TRAPPC13: variants seen among roughly 807,000 people sequenced by gnomAD.
TRAPPC13 encodes the protein trafficking protein particle complex subunit 13, also known as REV7-interacting novel NHEJ regulator 1.
TRAPPC13 carries 39 observed loss-of-function variants against 54.0 expected under a neutral mutation model. The observed-to-expected ratio is 0.72, with a 90% CI of 0.56 to 0.94. TRAPPC13 has a LOEUF of 0.94. TRAPPC13 is among the 40% of genes least tolerant of loss of function. The pLI, the probability that TRAPPC13 is intolerant of heterozygous loss-of-function variation, is 0.00. For synonymous variants in TRAPPC13, 148 were observed against 167.7 expected, an observed-to-expected ratio of 0.88 and a Z score of 0.91; for missense variants, 386 against 488.1, an observed-to-expected ratio of 0.79 and a Z score of 1.97.
At chr5:65,659,393 A>G (rs1252766708) in intron 9 of TRAPPC13, among the ~76,000 whole-genome samples, 1 of 152,198 alleles carries the variant, frequency 6.6e-6, no homozygotes, top group Non-Finnish European at 1.5e-5. Context: ...TTTTAATTTC[A>G]TGTTTTACTA....
At chr5:65,652,715 T>C (rs1291946709) in intron 7 of TRAPPC13, 170 bp downstream of exon 7, 4 of 676,122 alleles carry the variant, frequency 5.9e-6, no homozygotes, top group East Asian at 2.8e-5. Flanking sequence ...ATAGGTCTCA[T>C]AATCTTTTTC....
chr5:65,658,320 A>C, intron 8 of TRAPPC13, 48 bp from the exon 9 acceptor site: 1 of 1,527,934 alleles, frequency 6.5e-7, no homozygotes, highest in Non-Finnish European at 8.8e-7. Context: ...TGAGATAAAT[A>C]TTTTAAATGC....
rs563169448 is a variant in TRAPPC13 at position 65,647,100 on chromosome 5, A to G, written c.346A>G (p.Asn116Asp). Residue 116 changes from asparagine to aspartate, a missense_variant, in exon 5 of 13, where the codon AAT becomes GAT. Asn to Asp is a conservative substitution (Grantham distance 23). Coordinates refer to ENST00000399438, the MANE Select transcript of TRAPPC13 (RefSeq NM_024941.4). ...TCAGCGTTTAAATCTTTCAGCCTCC[A>G]ATGCTGCAGTGGCTGAACTTAAACC... The part of the protein sequence containing the change: ...SSQRLNLSAS[N>D]AAVAELKPDC... 2.6e-6 allele frequency: 4 copies of G among 1,560,356 alleles called. No homozygotes were observed. In the East Asian group the frequency reaches 9.4e-5, roughly 37 times the overall value.
chr5:65,655,770 C>T (rs1756629264), intron 8 of TRAPPC13, 117 bp downstream of exon 8: 1 of 315,300 alleles, frequency 3.2e-6, no homozygotes, highest in East Asian at 5.3e-5. Flanking sequence ...GTGAATACCA[C>T]CTATGTGACT....
intron 4 of TRAPPC13, among the ~76,000 whole-genome samples, chr5:65,641,717 A>C (rs983398307): frequency 4.6e-5 from 7 of 151,412 alleles, no homozygotes; most frequent in Non-Finnish European, 8.8e-5. Flanking sequence ...TCTGAGAAAA[A>C]AAAAAAAACA....
intron 8 of TRAPPC13, among the ~76,000 whole-genome samples, chr5:65,657,350 C>G (rs557009383): frequency 3.3e-5 from 5 of 152,310 alleles, no homozygotes; most frequent in Admixed American, 3.3e-4. Context: ...CCACCACACT[C>G]CAGCCTGGGT....
intron 4 of TRAPPC13, among the ~76,000 whole-genome samples, chr5:65,644,952 T>G (rs1436495131): frequency 6.7e-6 from 1 of 150,278 alleles, no homozygotes; most frequent in South Asian, 2.1e-4. Context: ...ATCTCAGCAC[T>G]TTGGGAGGCC....
chr5:65,650,069 A>T (rs1440040013), intron 5 of TRAPPC13, among the ~76,000 whole-genome samples: 3 of 151,032 alleles, frequency 2.0e-5, no homozygotes, highest in Non-Finnish European at 2.9e-5. Context: ...CGTGTTAGCC[A>T]GGATGGTCTC....
At chr5:65,636,144 C>CTTTTT in intron 3 of TRAPPC13, 101 bp downstream of exon 3, 3 of 507,104 alleles carry the variant, frequency 5.9e-6, no homozygotes, top group Non-Finnish European at 1.0e-5. Context: ...ATACATTTAC[C>CTTTTT]TTTTTTTTTT....
In TRAPPC13 at chr5:65,660,955, C is replaced by A. The variant is rs547624077; in HGVS notation, c.897+58C>A. The stretch of plus-strand genomic sequence containing the variant: ...GTGTGTGAAAGACAGGTAGTTAGAA[C>A]AACTTAATTTTTTCTACATCCAGCA... On this transcript the variant is annotated intron_variant, in intron 10 of 12. Coordinates refer to ENST00000399438, the MANE Select transcript of TRAPPC13 (RefSeq NM_024941.4). 4 of 1,420,818 alleles carry A rather than the reference C, an allele frequency of 2.8e-6. No individual in the cohort carries two copies. The South Asian group carries it at 5.7e-5, about 20-fold the overall frequency. 88.0% of individuals were successfully genotyped at this position (1,420,818 alleles called of 1,614,324 possible).
At chr5:65,636,780 A>T (rs1755765537) in intron 3 of TRAPPC13, among the ~76,000 whole-genome samples, 2 of 152,202 alleles carry the variant, frequency 1.3e-5, no homozygotes, top group Admixed American at 6.5e-5. Context: ...ATTAATAATA[A>T]GGTAGAAGCC....
At chr5:65,642,022 C>G (rs1755988207) in intron 4 of TRAPPC13, among the ~76,000 whole-genome samples, 1 of 151,990 alleles carries the variant, frequency 6.6e-6, no homozygotes, top group South Asian at 2.1e-4. Context: ...AAAGTAGGCT[C>G]TTAAAATTTT....
At chr5:65,643,674 G>A (rs188047407) in intron 4 of TRAPPC13, among the ~76,000 whole-genome samples, 14 of 151,822 alleles carry the variant, frequency 9.2e-5, no homozygotes, top group East Asian at 3.9e-4. Flanking sequence ...AAAATTAGCC[G>A]GGTGTGATGG....
At chr5:65,654,740 A>T (rs1271813550) in intron 7 of TRAPPC13, among the ~76,000 whole-genome samples, 1 of 152,248 alleles carries the variant, frequency 6.6e-6, no homozygotes, top group Non-Finnish European at 1.5e-5. Context: ...CACCTAAAGG[A>T]AAACAAGTTC....
At chr5:65,629,629 T>G in intron 1 of TRAPPC13, 1 of 1,535,730 alleles carries the variant, frequency 6.5e-7, no homozygotes, top group South Asian at 1.2e-5. Context: ...CATGTGAGAG[T>G]GATCCCACAC....
chr5:65,653,594 G>A (rs1756552404), intron 7 of TRAPPC13, among the ~76,000 whole-genome samples: 2 of 152,148 alleles, frequency 1.3e-5, no homozygotes, highest in African/African-American at 4.8e-5. Flanking sequence ...AGAGCTCTCG[G>A]GAATGTGATC....
At position 65,666,040 on chromosome 5, in the gene TRAPPC13, T is replaced by G. The variant is rs1362189793; in HGVS notation, c.*1429T>G. On this transcript the variant is annotated 3_prime_UTR_variant, in exon 13 of 13. Transcript: ENST00000399438. ...ATTGAGTAATAATTAATGAAATGTC[T>G]GTACAAAATAAAGTGCAAGCAGTGT... is the stretch of plus-strand genomic sequence containing the variant. 6.6e-6 allele frequency: 1 copy of G among 152,606 alleles called. No individual in the cohort carries two copies. The highest frequency in any genetic ancestry group is 2.4e-5 in the African/African-American group (1 of 41,472). 9.5% of individuals were successfully genotyped at this position (152,606 alleles called of 1,614,324 possible). A position where few individuals can be genotyped will look rare whatever the true frequency, so the allele number is the denominator to read the frequency against.
intron 1 of TRAPPC13, chr5:65,629,829 C>T: frequency 1.3e-6 from 2 of 1,536,048 alleles, no homozygotes; most frequent in Non-Finnish European, 1.7e-6. Context: ...GATGCTAAGT[C>T]ACACAGTTAT....
At chr5:65,631,753 T>C (rs1755551924) in intron 1 of TRAPPC13, among the ~76,000 whole-genome samples, 1 of 152,194 alleles carries the variant, frequency 6.6e-6, no homozygotes, top group South Asian at 2.1e-4. Flanking sequence ...GATCACTTTA[T>C]TTTTAATGGA....
Sources: gnomAD v4.1 joint callset for allele counts (sites outside exome capture counted in the v4.1 genomes callset) on GRCh38, gnomAD v4.1.1 for gene constraint, MANE v1.5 for transcripts, NCBI Gene and HGNC (gene_info 2026-07-23, HGNC 2026-07-21) for gene names.